Variants in SLC12A6 observed in about 807,000 individuals in gnomAD.
SLC12A6 encodes solute carrier family 12 member 6.
SLC12A6 carries 66 observed loss-of-function variants against 135.3 expected under a neutral mutation model. The ratio of observed to expected loss-of-function variants is 0.49; its 90% CI spans 0.40 to 0.60. The LOEUF (loss-of-function observed/expected upper bound fraction) is 0.60. Among genes scored for constraint, SLC12A6 ranks in the 20% least tolerant of loss-of-function variants. The pLI is 0.00. For missense variants in SLC12A6, 1,058 were observed against 1,452.3 expected (o/e 0.73, Z 4.41); for synonymous variants, 513 against 508.8 (o/e 1.01, Z -0.11).
In SLC12A6 at chr15:34,265,403, A is replaced by T. The variant is rs1411816378; in HGVS notation, c.317-4383T>A. Among the ~76,000 whole-genome samples the T allele has an allele frequency of 5.6e-5, 4 of 71,636 alleles. 1 individual carries two copies. Among genetic ancestry groups the T allele is most frequent in the South Asian group, 8.0e-4 (2 of 2,496 alleles). The allele number at this position is 71,636 out of a possible 152,430, so 47.0% of individuals were successfully genotyped here. On this transcript the variant is annotated intron_variant, in intron 3 of 25. Transcript: ENST00000354181. ...GTAAGTAAAAACAACAACAGCAATT[A>T]AAAAAAAAAAAACAAACAAAAAAGA... is the stretch of plus-strand genomic sequence containing the variant.
chr15:34,292,797 C>T (rs1411836940), intron 2 of SLC12A6, among the ~76,000 whole-genome samples: 9 of 152,170 alleles, frequency 5.9e-5, no homozygotes, highest in African/African-American at 1.9e-4. Context: ...AGCAAGGCTC[C>T]GTGGGTGTGG....
At chr15:34,325,678 T>C (rs1889411017) in intron 2 of SLC12A6, among the ~76,000 whole-genome samples, 1 of 152,154 alleles carries the variant, frequency 6.6e-6, no homozygotes, top group Non-Finnish European at 1.5e-5. Flanking sequence ...CATCATATTG[T>C]AGAGTAAGAA....
intron 2 of SLC12A6, among the ~76,000 whole-genome samples, chr15:34,326,740 G>C (rs918232889): frequency 6.7e-6 from 1 of 149,680 alleles, no homozygotes; most frequent in African/African-American, 2.5e-5. Context: ...CACCCAGGCT[G>C]GAGTGCAGTG....
chr15:34,296,823 G>A (rs1895907135), intron 2 of SLC12A6, among the ~76,000 whole-genome samples: 1 of 152,150 alleles, frequency 6.6e-6, no homozygotes, highest in Admixed American at 6.5e-5. Flanking sequence ...ACTGAAGGTA[G>A]AGAAATTAAG....
chr15:34,271,602 T>TACACACACACAC (rs10588100), intron 3 of SLC12A6, among the ~76,000 whole-genome samples: 3,183 of 148,908 alleles, frequency 0.021, 43 homozygotes, highest in African/African-American at 0.027. Context: ...AGTGCAAAGC[T>TACACACACACAC]ACACACACAC....
chr15:34,237,583 G>C (rs756324424), intron 21 of SLC12A6, 33 bp from the exon 22 acceptor site: 6 of 1,594,546 alleles, frequency 3.8e-6, no homozygotes, highest in Non-Finnish European at 5.2e-6. Flanking sequence ...TGAAAAATTA[G>C]AGCAAGGAGG....
chr15:34,300,307 G>A (rs1896153217), intron 2 of SLC12A6, among the ~76,000 whole-genome samples: 1 of 152,180 alleles, frequency 6.6e-6, no homozygotes, highest in Non-Finnish European at 1.5e-5. Context: ...TATGAGAATG[G>A]AGGATTGAGG....
intron 1 of SLC12A6, 168 bp from the exon 2 acceptor site, chr15:34,336,920 A>G (rs576671324): frequency 7.1e-6 from 4 of 562,082 alleles, no homozygotes; most frequent in Non-Finnish European, 1.3e-5. Context: ...AAAACAAAAA[A>G]CAAAAAGACA....
chr15:34,282,838 C>G (rs1246277746), intron 2 of SLC12A6, among the ~76,000 whole-genome samples: 1 of 152,176 alleles, frequency 6.6e-6, no homozygotes, highest in Non-Finnish European at 1.5e-5. Context: ...ATAACTAACC[C>G]TAATGACTCA....
chr15:34,318,874 CCA>C lies in SLC12A6; in HGVS notation c.271+17534_271+17535del. The C allele has an allele frequency of 3.6e-6, 5 of 1,399,302 alleles. No homozygotes were observed. The South Asian group carries it at 7.0e-5, about 20-fold the overall frequency. The allele number at this position is 1,399,302 out of a possible 1,614,324, so 86.7% of individuals were successfully genotyped here. A position where few individuals can be genotyped will look rare whatever the true frequency, so the allele number is the denominator to read the frequency against. ...AGTGGGGCGCTTGAAGACACGCCTTCCACAGTGTTTATCATTCACTTAAAAGG... is the reference window on the plus strand; with the variant it reads ...AGTGGGGCGCTTGAAGACACGCCTTCCAGTGTTTATCATTCACTTAAAAGG... On this transcript the variant is annotated intron_variant, in intron 2 of 25. Coordinates refer to ENST00000354181, the MANE Select transcript of SLC12A6 (RefSeq NM_001365088.1).
chr15:34,291,899 G>A (rs922675405), intron 2 of SLC12A6, among the ~76,000 whole-genome samples: 9 of 151,900 alleles, frequency 5.9e-5, no homozygotes, highest in Non-Finnish European at 1.5e-5. Context: ...TTTTTTCAAA[G>A]ATTTTAGCTT....
At chr15:34,285,309 T>C (rs1037187703) in intron 2 of SLC12A6, among the ~76,000 whole-genome samples, 2 of 152,190 alleles carry the variant, frequency 1.3e-5, no homozygotes, top group African/African-American at 4.8e-5. Context: ...ATGCTGGATA[T>C]GTTGACTAGC....
At chr15:34,293,709 CT>C (rs1205344224) in intron 2 of SLC12A6, among the ~76,000 whole-genome samples, 1 of 152,254 alleles carries the variant, frequency 6.6e-6, no homozygotes, top group African/African-American at 2.4e-5. Flanking sequence ...AAGTAATCCC[CT>C]GGCCTAAGCC....
intron 2 of SLC12A6, among the ~76,000 whole-genome samples, chr15:34,293,654 C>T (rs1387478062): frequency 1.3e-5 from 2 of 152,244 alleles, no homozygotes; most frequent in Non-Finnish European, 2.9e-5. Context: ...GGCAGGAGTA[C>T]AATGGCACAA....
intron 3 of SLC12A6, among the ~76,000 whole-genome samples, chr15:34,271,624 CACACAGA>C (rs1331567718): frequency 1.3e-5 from 2 of 152,004 alleles, no homozygotes; most frequent in East Asian, 3.8e-4. Context: ...CACACACACA[CACACAGA>C]AAAGTTCATA....
rs749851679 is a variant in SLC12A6, at chr15:34,336,431, G to A, written c.250C>T (p.His84Tyr). Reference protein sequence around the residue: ...ALDPPSDRTSHPQDVIEDLSQ... With the variant: ...ALDPPSDRTSYPQDVIEDLSQ... ...TTACCCTCGATGACATCCTGGGGGT[G>A]AGAAGTCCGGTCACTGGGTGGATCC... is the stretch of plus-strand genomic sequence containing the variant. The change falls in exon 2 of 26, where the codon CAC (histidine) becomes TAC (tyrosine). Residue 84 changes from histidine (H) to tyrosine (Y), a missense_variant. By Grantham distance (83) the His-to-Tyr change is moderately conservative. Transcript: ENST00000354181. The A allele has an allele frequency of 6.2e-7, 1 of 1,614,006 alleles. No individual in the cohort carries two copies. Among genetic ancestry groups the A allele is most frequent in the Non-Finnish European group, 8.5e-7 (1 of 1,179,862 alleles).
At chr15:34,259,030 A>C in intron 4 of SLC12A6, 86 bp from the exon 5 acceptor site, 1 of 1,166,266 alleles carries the variant, frequency 8.6e-7, no homozygotes, top group Non-Finnish European at 1.3e-6. Context: ...GAAAACTTCA[A>C]ATTAAATGAA....
intron 2 of SLC12A6, chr15:34,318,757 G>C (rs967947563): frequency 6.2e-7 from 1 of 1,601,376 alleles, no homozygotes; most frequent in African/African-American, 1.3e-5. Flanking sequence ...CCTCTTCCTT[G>C]CTGTCGTTTC....
At chr15:34,251,111 A>G in intron 10 of SLC12A6, 54 bp from the exon 11 acceptor site, 1 of 1,295,342 alleles carries the variant, frequency 7.7e-7, no homozygotes. Context: ...AAAAAAAGAT[A>G]ATTAATTTTC....
Sources: allele counts gnomAD v4.1 joint callset (sites outside exome capture counted in the v4.1 genomes callset), GRCh38; gene constraint gnomAD v4.1.1; transcripts MANE v1.5; gene names NCBI Gene and HGNC (gene_info 2026-07-23, HGNC 2026-07-21).